MAN1C1: variants seen among roughly 807,000 people sequenced by gnomAD.
MAN1C1 encodes mannosyl-oligosaccharide 1,2-alpha-mannosidase IC.
MAN1C1 carries 49 observed loss-of-function variants against 71.5 expected under a neutral mutation model. That is an observed-to-expected ratio of 0.69 (90% CI 0.54 to 0.87). The LOEUF (loss-of-function observed/expected upper bound fraction) is 0.87, where lower values mean the gene tolerates loss of function less well. Ranked by LOEUF, MAN1C1 falls within the 40% of genes least tolerant of loss-of-function variation. The probability of loss-of-function intolerance (pLI) is 0.00; values close to 1 mark genes in which losing one functional copy is unlikely to be tolerated. For synonymous variants in MAN1C1, 352 were observed against 343.7 expected, an observed-to-expected ratio of 1.02 and a Z score of -0.27; for missense variants, 743 against 835.0, an observed-to-expected ratio of 0.89 and a Z score of 1.36.
intron 1 of MAN1C1, among the ~76,000 whole-genome samples, chr1:25,660,960 G>A (rs1557753676): frequency 2.6e-5 from 4 of 152,204 alleles, no homozygotes; most frequent in African/African-American, 4.8e-5. Flanking sequence ...CAAAGTGCTG[G>A]CATTACAGGT....
At chr1:25,771,616 G>A (rs2072747) in intron 7 of MAN1C1, 41 bp from the exon 8 acceptor site, 951,640 of 1,492,612 alleles carry the variant, frequency 0.64, 307,322 homozygotes, top group East Asian at 0.74. Context: ...GAGAGCCGGC[G>A]GCAGATGGAG....
chr1:25,742,160 G>C (rs544868557), intron 2 of MAN1C1, among the ~76,000 whole-genome samples: 1 of 152,356 alleles, frequency 6.6e-6, no homozygotes, highest in South Asian at 2.1e-4. Flanking sequence ...AACATGCCAA[G>C]ATGCACAGAG....
chr1:25,739,789 G>A (rs537358043), intron 2 of MAN1C1, among the ~76,000 whole-genome samples: 1 of 152,142 alleles, frequency 6.6e-6, no homozygotes, highest in Non-Finnish European at 1.5e-5. Context: ...AGTGGTGGCA[G>A]CCCCTGGAGT....
intron 1 of MAN1C1, among the ~76,000 whole-genome samples, chr1:25,667,071 T>C (rs548754290): frequency 6.6e-6 from 1 of 152,278 alleles, no homozygotes; most frequent in South Asian, 2.1e-4. Context: ...GCAGCAGACC[T>C]AGAGAAGGTG....
intron 7 of MAN1C1, among the ~76,000 whole-genome samples, chr1:25,768,148 T>C (rs1572207500): frequency 1.8e-5 from 1 of 55,876 alleles, no homozygotes; most frequent in Non-Finnish European, 3.1e-5. Flanking sequence ...CTACATACAC[T>C]CCCCCTACAT....
Position 25,749,313 on chromosome 1 carries a change from C to A in MAN1C1, c.812C>A (p.Ala271Asp). 1 of 1,611,962 alleles carries A rather than the reference C, an allele frequency of 6.2e-7. No individual in the cohort carries two copies. The change falls in exon 4 of 12, where the codon GCC (alanine) becomes GAC (aspartate). Residue 271 changes from alanine (A) to aspartate (D), a missense_variant. Coordinates refer to ENST00000374332, the MANE Select transcript of MAN1C1 (RefSeq NM_020379.4). ...CGCTACATCGGGGGACTCCTCTCAG[C>A]CTTCTACCTGACAGGAGAAGAGGTG... ...NIRYIGGLLS[A>D]FYLTGEEVFR...
At chr1:25,646,794 C>T (rs756971536) in intron 1 of MAN1C1, among the ~76,000 whole-genome samples, 10 of 152,166 alleles carry the variant, frequency 6.6e-5, no homozygotes, top group Non-Finnish European at 1.2e-4. Context: ...ATGGGTAGAC[C>T]GCATTTTCTT....
intron 3 of MAN1C1, among the ~76,000 whole-genome samples, chr1:25,747,099 G>A (rs1171000857): frequency 6.6e-6 from 1 of 152,204 alleles, no homozygotes; most frequent in African/African-American, 2.4e-5. Flanking sequence ...ACGGCCCCTG[G>A]GGCTGGATCT....
intron 2 of MAN1C1, among the ~76,000 whole-genome samples, chr1:25,708,843 C>T (rs2046563688): frequency 6.6e-6 from 1 of 151,826 alleles, no homozygotes; most frequent in African/African-American, 2.4e-5. Context: ...GAGATTGCAC[C>T]ACTGCACTCC....
At chr1:25,768,672 CT>C (rs1173384613) in intron 7 of MAN1C1, among the ~76,000 whole-genome samples, 2 of 133,438 alleles carry the variant, frequency 1.5e-5, no homozygotes, top group Non-Finnish European at 3.3e-5. Context: ...CCACACACCC[CT>C]CACATACATC....
chr1:25,762,772 G>A (rs1392395843), intron 6 of MAN1C1, among the ~76,000 whole-genome samples: 3 of 152,080 alleles, frequency 2.0e-5, no homozygotes, highest in African/African-American at 7.2e-5. Context: ...GGACATTTAG[G>A]TTGATTCCAC....
intron 1 of MAN1C1, among the ~76,000 whole-genome samples, chr1:25,643,024 G>T (rs1484348069): frequency 6.6e-6 from 1 of 152,142 alleles, no homozygotes; most frequent in African/African-American, 2.4e-5. Flanking sequence ...GGGGGACGTA[G>T]GTTCCCTTCT....
In MAN1C1 at chr1:25,653,004, G is replaced by A. The variant is rs1572123077; in HGVS notation, c.541-33436G>A. Among the ~76,000 whole-genome samples the A allele has an allele frequency of 3.3e-5, 5 of 151,868 alleles. No homozygotes were observed. The South Asian group carries it at 1.0e-3, about 32-fold the overall frequency. ...AACTCCTGGCCTCTGGAGTTCAAGA[G>A]ATCTGCCCATCTTGACCTCCCAAAG... On this transcript the variant is annotated intron_variant, in intron 1 of 11. Transcript: ENST00000374332.
intron 6 of MAN1C1, chr1:25,759,033 A>T (rs1557795969): frequency 7.2e-6 from 2 of 276,236 alleles, no homozygotes; most frequent in South Asian, 6.0e-5. Flanking sequence ...AGTGCAACTG[A>T]AATCTAGGCA....
intron 2 of MAN1C1, among the ~76,000 whole-genome samples, chr1:25,706,178 C>T (rs1388198838): frequency 6.6e-6 from 1 of 152,188 alleles, no homozygotes; most frequent in Non-Finnish European, 1.5e-5. Context: ...ATGCCTGTCC[C>T]TTGCTTCCTC....
chr1:25,771,447 G>A (rs2047549924), intron 7 of MAN1C1, among the ~76,000 whole-genome samples: 1 of 152,224 alleles, frequency 6.6e-6, no homozygotes, highest in Non-Finnish European at 1.5e-5. Flanking sequence ...TGTGCAGGAT[G>A]AGCGCTCTCT....
chr1:25,765,494 CA>C (rs2047415921), intron 7 of MAN1C1, among the ~76,000 whole-genome samples: 1 of 152,172 alleles, frequency 6.6e-6, no homozygotes, highest in African/African-American at 2.4e-5. Flanking sequence ...AGCAAGGGCT[CA>C]GGGGCAAAGT....
At position 25,711,806 on chromosome 1, in the gene MAN1C1, A is replaced by G. The variant is rs1279062037; in HGVS notation, c.637+25270A>G. Among the ~76,000 whole-genome samples the G allele has an allele frequency of 6.6e-6, 1 of 152,192 alleles. No homozygotes were observed. Among genetic ancestry groups the G allele is most frequent in the Non-Finnish European group, 1.5e-5 (1 of 68,046 alleles). On this transcript the variant is annotated intron_variant, in intron 2 of 11. Transcript: ENST00000374332. The surrounding 1 kb of genome is among the most constrained non-coding windows in gnomAD (Gnocchi z 4.3). ...CAAGCCGTGCTGTCCTGTGTGTGAA[A>G]GAGGATACTTTCTTTATTTTACTAA...
At chr1:25,731,252 G>A (rs1486277428) in intron 2 of MAN1C1, among the ~76,000 whole-genome samples, 1 of 152,236 alleles carries the variant, frequency 6.6e-6, no homozygotes, top group Non-Finnish European at 1.5e-5. Flanking sequence ...CAAGGCTGCA[G>A]TGAGCTGTGA....
Sources: allele counts gnomAD v4.1 joint callset (sites outside exome capture counted in the v4.1 genomes callset), GRCh38; gene constraint gnomAD v4.1.1; non-coding constraint Gnocchi (gnomAD v3.1); transcripts MANE v1.5; gene names NCBI Gene and HGNC (gene_info 2026-07-23, HGNC 2026-07-21).